The following TSHZ3 variants were observed in gnomAD, a reference collection of about 807,000 sequenced individuals.
The protein encoded by TSHZ3 is teashirt zinc finger homeobox 3.
Under a neutral mutation model 64.5 loss-of-function variants are expected in TSHZ3, and 10 were observed. That is an observed-to-expected ratio of 0.16 (90% CI 0.10 to 0.26). TSHZ3 has a LOEUF of 0.26. Among genes scored for constraint, TSHZ3 ranks in the 10% least tolerant of loss-of-function variants. The pLI, the probability that TSHZ3 is intolerant of heterozygous loss-of-function variation, is 1.00. For synonymous variants in TSHZ3, 608 were observed against 593.1 expected, an observed-to-expected ratio of 1.03 and a Z score of -0.36; for missense variants, 1,242 against 1,421.7, an observed-to-expected ratio of 0.87 and a Z score of 2.03.
chr19:31,165,516 G>T lies in TSHZ3; in HGVS notation n.810-9099C>A, dbSNP rs187385944. 9.8e-4 allele frequency among the ~76,000 whole-genome samples: 150 copies of T among 152,320 alleles called. 2 individuals carry two copies. Among genetic ancestry groups the T allele is most frequent in the Admixed American group, 9.4e-3 (143 of 15,294 alleles). ...TTGGATGTAAACGAAGTCATCCAAAGATAAAATAAACGAAGAAACAAAAAC... is the reference window on the plus strand; with the variant it reads ...TTGGATGTAAACGAAGTCATCCAAATATAAAATAAACGAAGAAACAAAAAC... On this transcript the variant is annotated intron_variant and non_coding_transcript_variant, in intron 5 of 6. Transcript: ENST00000651361.
intron 1 of TSHZ3, among the ~76,000 whole-genome samples, chr19:31,305,030 T>C (rs372052106): frequency 3.3e-5 from 5 of 152,306 alleles, no homozygotes; most frequent in East Asian, 1.9e-4. Context: ...TTAAGCAAAA[T>C]TGTAATCTGT....
chr19:31,184,635 G>C (rs1974774432), intron 5 of TSHZ3, among the ~76,000 whole-genome samples: 1 of 152,156 alleles, frequency 6.6e-6, no homozygotes, highest in South Asian at 2.1e-4. Context: ...TAATTAAACT[G>C]CATTTTTCTA....
chr19:31,258,444 G>T (rs977970498), intron 1 of TSHZ3, among the ~76,000 whole-genome samples: 1 of 152,130 alleles, frequency 6.6e-6, no homozygotes. Flanking sequence ...TCCTCAACCC[G>T]GGAAATCGCC....
intron 1 of TSHZ3, among the ~76,000 whole-genome samples, chr19:31,267,043 G>A (rs79815886): frequency 0.014 from 2,147 of 152,320 alleles, 55 homozygotes; most frequent in African/African-American, 0.048. Context: ...CTGCCCAATC[G>A]TGTTCTTCAT....
chr19:31,164,102 C>A (rs1043927680), intron 5 of TSHZ3, among the ~76,000 whole-genome samples: 1 of 152,108 alleles, frequency 6.6e-6, no homozygotes, highest in African/African-American at 2.4e-5. Context: ...GACCCCGACA[C>A]CTTTTTGGTG....
chr19:31,311,912 T>A (rs1354280872), intron 1 of TSHZ3, among the ~76,000 whole-genome samples: 2 of 152,156 alleles, frequency 1.3e-5, no homozygotes, highest in African/African-American at 4.8e-5. Context: ...TTAGTAGAGA[T>A]GGGGTTTCAC....
intron 1 of TSHZ3, among the ~76,000 whole-genome samples, chr19:31,303,519 G>A (rs1345833891): frequency 6.6e-6 from 1 of 152,162 alleles, no homozygotes; most frequent in East Asian, 1.9e-4. Context: ...TCTGGCACCT[G>A]ACCATCTCGG....
Position 31,318,343 on chromosome 19 carries a change from G to A in TSHZ3, c.40+30837C>T, listed in dbSNP as rs1022917421. Among the ~76,000 whole-genome samples, 8 of 152,140 alleles carry A rather than the reference G, an allele frequency of 5.3e-5. No individual in the cohort carries two copies. The East Asian group carries it at 9.7e-4, about 18-fold the overall frequency. On this transcript the variant is annotated intron_variant, in intron 1 of 1. Transcript: ENST00000240587. ...CTAAACCAAAAATGCAGATCGGAAC[G>A]CAAAGAAGCACTTTAATTCATTCTC...
At chr19:31,241,863 T>C (rs1975694897) in intron 3 of TSHZ3, among the ~76,000 whole-genome samples, 1 of 152,228 alleles carries the variant, frequency 6.6e-6, no homozygotes, top group Non-Finnish European at 1.5e-5. Flanking sequence ...ACGTTGTGTC[T>C]AGTTTTATAG....
chr19:31,149,997 T>C (rs1018286058), exon 7 of TSHZ3, among the ~76,000 whole-genome samples: 1 of 152,202 alleles, frequency 6.6e-6, no homozygotes, highest in Non-Finnish European at 1.5e-5. Context: ...ATGTTAATTA[T>C]GTATTTCATT....
chr19:31,205,504 C>T (rs1599582043), intron 4 of TSHZ3, among the ~76,000 whole-genome samples: 1 of 152,192 alleles, frequency 6.6e-6, no homozygotes, highest in African/African-American at 2.4e-5. Flanking sequence ...GATGGGAGGA[C>T]CCAGAGAGCT....
rs533564832 is a variant in TSHZ3 at position 31,238,752 on chromosome 19, T to G, written n.550+3517A>C. Among the ~76,000 whole-genome samples the G allele has an allele frequency of 7.9e-5, 12 of 152,344 alleles. 2 individuals carry two copies. In the South Asian group the frequency reaches 2.5e-3, roughly 32 times the overall value. On this transcript the variant is annotated intron_variant and non_coding_transcript_variant, in intron 3 of 6. Transcript: ENST00000651361. ...GTTTGCATTGCATGTTTTATCCATC[T>G]TTTACAGTCAATGTCTTGTTATTTA...
At chr19:31,223,780 C>T (rs1329479252) in intron 4 of TSHZ3, among the ~76,000 whole-genome samples, 3 of 152,064 alleles carry the variant, frequency 2.0e-5, no homozygotes, top group Admixed American at 6.5e-5. Flanking sequence ...CAAATAGAAT[C>T]CTCCCACTCC....
intron 5 of TSHZ3, among the ~76,000 whole-genome samples, chr19:31,191,718 G>C (rs1364344907): frequency 6.6e-6 from 1 of 151,874 alleles, no homozygotes; most frequent in Non-Finnish European, 1.5e-5. Context: ...AATTAGCCGG[G>C]CATGGTGGCA....
At chr19:31,255,694 G>C (rs1275120756) in intron 1 of TSHZ3, among the ~76,000 whole-genome samples, 1 of 152,118 alleles carries the variant, frequency 6.6e-6, no homozygotes, top group Non-Finnish European at 1.5e-5. Context: ...CTTGCCCTAA[G>C]ACAGGCAGAG....
intron 1 of TSHZ3, among the ~76,000 whole-genome samples, chr19:31,285,666 C>T (rs1026709266): frequency 2.1e-4 from 32 of 150,782 alleles, no homozygotes; most frequent in Non-Finnish European, 4.4e-4. Context: ...TACCTGTAGT[C>T]CCAGCTACTT....
chr19:31,277,306 G>C lies in TSHZ3; in HGVS notation c.2487C>G (p.Ala829=), dbSNP rs758148300. 1 of 1,613,434 alleles carries C rather than the reference G, an allele frequency of 6.2e-7. No homozygotes were observed. Among genetic ancestry groups the C allele is most frequent in the East Asian group, 2.2e-5 (1 of 44,852 alleles). Residue 829 remains alanine, a synonymous_variant, in exon 2 of 2, where the codon GCC becomes GCG. Coordinates refer to ENST00000240587, the MANE Select transcript of TSHZ3 (RefSeq NM_020856.4). The surrounding 1 kb of genome is among the most constrained non-coding windows in gnomAD (Gnocchi z 4.5). ...GCGAGTTTGACATGAATGATACGAC[G>C]GCAGATGTCTTTGCCGTTGTCACCG... ...SSTVTTAKTS[A]VVSFMSNSPL...
At chr19:31,235,264 T>G (rs1013406452) in intron 3 of TSHZ3, among the ~76,000 whole-genome samples, 1 of 152,208 alleles carries the variant, frequency 6.6e-6, no homozygotes, top group African/African-American at 2.4e-5. Context: ...TCTACTATTG[T>G]CACCATGCTG....
chr19:31,186,485 CT>C (rs1285436305), intron 5 of TSHZ3, among the ~76,000 whole-genome samples: 1 of 152,184 alleles, frequency 6.6e-6, no homozygotes, highest in Non-Finnish European at 1.5e-5. Context: ...GTTTGCTTCC[CT>C]TTCCCCCTTC....
Sources: allele counts gnomAD v4.1 joint callset (sites outside exome capture counted in the v4.1 genomes callset), GRCh38; gene constraint gnomAD v4.1.1; non-coding constraint Gnocchi (gnomAD v3.1); transcripts MANE v1.5; gene names NCBI Gene and HGNC (gene_info 2026-07-23, HGNC 2026-07-21).